The following MBNL3 variants were observed in gnomAD, a reference collection of about 807,000 sequenced individuals.
The protein encoded by MBNL3 is muscleblind-like protein 3.
MBNL3 carries 6 observed loss-of-function variants against 24.5 expected under a neutral mutation model. The observed-to-expected ratio is 0.25, with a 90% CI of 0.13 to 0.48. The LOEUF is 0.48. Among genes scored for constraint, MBNL3 ranks in the 20% least tolerant of loss-of-function variants. MBNL3 has a pLI of 0.99. For missense variants in MBNL3, 230 were observed against 293.5 expected, an observed-to-expected ratio of 0.78 and a Z score of 1.58; for synonymous variants, 100 against 101.7, an observed-to-expected ratio of 0.98 and a Z score of 0.10.
rs754121937 is a variant in MBNL3, at chrX:132,425,480, T to G, written c.177+13955A>C. ...GTGTCAATTCATGGACCCTCTCTAT[T>G]ATTATATTTCTTTGTCTTTCTATGT... is the stretch of plus-strand genomic sequence containing the variant. On this transcript the variant is annotated intron_variant, in intron 2 of 8. Transcript: ENST00000370853. 2.7e-4 allele frequency among the ~76,000 whole-genome samples: 30 copies of G among 112,205 alleles called. No homozygotes were observed. In the East Asian group the frequency reaches 7.7e-3, roughly 29 times the overall value.
intron 4 of MBNL3, among the ~76,000 whole-genome samples, 172 bp from the exon 5 acceptor site, chrX:132,391,255 T>TA (rs1569418659): frequency 8.9e-6 from 1 of 112,029 alleles, no homozygotes; most frequent in Non-Finnish European, 1.9e-5. Context: ...CACTATGAGA[T>TA]ATAAACAGAC....
chrX:132,471,898 T>C (rs1293594358), intron 1 of MBNL3, among the ~76,000 whole-genome samples: 1 of 112,128 alleles, frequency 8.9e-6, no homozygotes, highest in Non-Finnish European at 1.9e-5. Context: ...AAAAGAAGAC[T>C]TGCTATCTAA....
At chrX:132,467,126 T>C (rs2148509770) in intron 1 of MBNL3, among the ~76,000 whole-genome samples, 1 of 111,782 alleles carries the variant, frequency 8.9e-6, no homozygotes, top group South Asian at 3.7e-4. Flanking sequence ...TGAAGCGATA[T>C]ACAAGAGCTT....
At chrX:132,395,159 C>T (rs1431499016) in intron 3 of MBNL3, among the ~76,000 whole-genome samples, 6 of 111,315 alleles carry the variant, frequency 5.4e-5, no homozygotes, top group African/African-American at 2.0e-4. Flanking sequence ...TTCTCACCAC[C>T]ACCTCTGCCC....
At chrX:132,435,372 A>C (rs1296812352) in intron 2 of MBNL3, among the ~76,000 whole-genome samples, 3 of 111,831 alleles carry the variant, frequency 2.7e-5, no homozygotes, top group Non-Finnish European at 5.6e-5. Flanking sequence ...TAGTGTAGAC[A>C]GACCTCTCTG....
At chrX:132,391,580 T>C (rs1259463479) in intron 4 of MBNL3, among the ~76,000 whole-genome samples, 2 of 112,271 alleles carry the variant, frequency 1.8e-5, no homozygotes, top group Non-Finnish European at 3.8e-5. Context: ...GTTATTTCAA[T>C]GTACAAAGAA....
chrX:132,386,214 A>T (rs931051218), intron 6 of MBNL3, among the ~76,000 whole-genome samples: 1 of 112,305 alleles, frequency 8.9e-6, no homozygotes, highest in African/African-American at 3.2e-5. Flanking sequence ...AATCTATATT[A>T]TACTATATTA....
chrX:132,462,561 G>T (rs1049044138), intron 1 of MBNL3, among the ~76,000 whole-genome samples: 1 of 112,013 alleles, frequency 8.9e-6, no homozygotes, highest in Non-Finnish European at 1.9e-5. Flanking sequence ...GTTGGTGGAA[G>T]AGAGACCACT....
At chrX:132,479,017 A>C (rs1265413718) in intron 1 of MBNL3, among the ~76,000 whole-genome samples, 1 of 112,322 alleles carries the variant, frequency 8.9e-6, no homozygotes. Context: ...TGGGAGGCCA[A>C]GGCAGGCAGA....
chrX:132,473,477 A>C lies in MBNL3; in HGVS notation c.-704+15374T>G, dbSNP rs921427899. 9.8e-5 allele frequency among the ~76,000 whole-genome samples: 11 copies of C among 112,268 alleles called. No homozygotes were observed. The East Asian group carries it at 2.5e-3, about 26-fold the overall frequency. On this transcript the variant is annotated intron_variant, in intron 1 of 8. Transcript: ENST00000370853. ...ATTTTGTGCAATCTGTTCTCTTGGC[A>C]TGAAGATGCCGTTAATCTACTTTGA...
chrX:132,414,202 A>G (rs1025486026), intron 2 of MBNL3, among the ~76,000 whole-genome samples: 3 of 112,405 alleles, frequency 2.7e-5, no homozygotes, highest in African/African-American at 9.7e-5. Flanking sequence ...AAAAATGGCA[A>G]TCCACAATAG....
upstream of MBNL3, chrX:132,489,732 G>C (rs1427635001): frequency 9.2e-6 from 1 of 108,586 alleles, no homozygotes; most frequent in African/African-American, 3.3e-5. Flanking sequence ...GGCATCCGGA[G>C]CGCCGGACTC....
At chrX:132,455,141 A>C (rs1381642122) in intron 1 of MBNL3, among the ~76,000 whole-genome samples, 1 of 111,806 alleles carries the variant, frequency 8.9e-6, no homozygotes, top group East Asian at 2.8e-4. Context: ...CCCAGATAGA[A>C]TAGTTCTCTT....
chrX:132,422,129 G>A (rs778697795), intron 2 of MBNL3, among the ~76,000 whole-genome samples: 944 of 86,719 alleles, frequency 0.011, 6 homozygotes, highest in African/African-American at 0.054. Context: ...AATATACTAT[G>A]TGTGTGTGTG....
chrX:132,420,483 G>T (rs756122020), intron 2 of MBNL3, among the ~76,000 whole-genome samples: 8 of 111,639 alleles, frequency 7.2e-5, no homozygotes, highest in African/African-American at 1.3e-4. Context: ...GACCCAAAGG[G>T]GGTTGCCATT....
In MBNL3 at chrX:132,440,656, T is replaced by C. The variant is rs944565825; in HGVS notation, c.-703-342A>G. Among the ~76,000 whole-genome samples the C allele has an allele frequency of 3.6e-5, 4 of 111,648 alleles. No individual in the cohort carries two copies. The South Asian group carries it at 1.1e-3, about 31-fold the overall frequency. ...TTTTCTGTGTAGGCTCCTTAGTCTCTATGAAGGGAAATTGGAGCAACTCAG... is the reference window on the plus strand; with the variant it reads ...TTTTCTGTGTAGGCTCCTTAGTCTCCATGAAGGGAAATTGGAGCAACTCAG... On this transcript the variant is annotated intron_variant, in intron 1 of 8. Transcript: ENST00000370853.
At chrX:132,390,279 A>C (rs1379670515) in intron 5 of MBNL3, among the ~76,000 whole-genome samples, 1 of 104,739 alleles carries the variant, frequency 9.5e-6, no homozygotes, top group Non-Finnish European at 2.0e-5. Flanking sequence ...AAAAAAAAAA[A>C]AAAAAAAAAA....
In MBNL3 at chrX:132,375,954, T is replaced by G. The variant is rs1463105231; in HGVS notation, c.*3712A>C. On this transcript the variant is annotated 3_prime_UTR_variant, in exon 9 of 9. Transcript: ENST00000370853. ...TTAATAAAATGTAATGTAAATGTCA[T>G]TCCTTATTCAGATACCACTATGCTT... The G allele has an allele frequency of 8.9e-6, 1 of 112,069 alleles. No individual in the cohort carries two copies. Among genetic ancestry groups the G allele is most frequent in the Non-Finnish European group, 1.9e-5 (1 of 53,079 alleles). 9.2% of individuals were successfully genotyped at this position (112,069 alleles called of 1,213,427 possible). A position where few individuals can be genotyped will look rare whatever the true frequency, so the allele number is the denominator to read the frequency against.
intron 1 of MBNL3, among the ~76,000 whole-genome samples, chrX:132,450,688 C>G (rs1169577772): frequency 9.7e-6 from 1 of 103,234 alleles, no homozygotes; most frequent in African/African-American, 3.6e-5. Context: ...ACTCATTCTT[C>G]GTCCAGTTTT....
Sources: allele counts gnomAD v4.1 joint callset (sites outside exome capture counted in the v4.1 genomes callset), GRCh38; gene constraint gnomAD v4.1.1; transcripts MANE v1.5; gene names NCBI Gene and HGNC (gene_info 2026-07-23, HGNC 2026-07-21).